The following ADCY5 variants were observed in gnomAD, a reference collection of about 807,000 sequenced individuals.
ADCY5 encodes the protein adenylate cyclase 5, also known as adenylate cyclase type 5.
A neutral mutation model predicts 119.7 loss-of-function variants in ADCY5; 30 were observed. The observed-to-expected ratio is 0.25, with a 90% CI of 0.19 to 0.34. The LOEUF is 0.34. Ranked by LOEUF, ADCY5 falls within the 10% of genes least tolerant of loss-of-function variation. The pLI, the probability that ADCY5 is intolerant of heterozygous loss-of-function variation, is 1.00. For synonymous variants in ADCY5, 753 were observed against 762.2 expected, an observed-to-expected ratio of 0.99 and a Z score of 0.20; for missense variants, 1,324 against 1,775.2, an observed-to-expected ratio of 0.75 and a Z score of 4.57.
intron 1 of ADCY5, among the ~76,000 whole-genome samples, chr3:123,431,499 C>T (rs533765608): frequency 4.3e-4 from 66 of 152,206 alleles, no homozygotes; most frequent in Non-Finnish European, 7.5e-4. Context: ...TAATATTTGA[C>T]GGATCAATAG....
chr3:123,296,812 T>C (rs1223021090), intron 16 of ADCY5, among the ~76,000 whole-genome samples: 1 of 152,206 alleles, frequency 6.6e-6, no homozygotes, highest in African/African-American at 2.4e-5. Context: ...CTGTTTTTGT[T>C]ACTAATAGAT....
At position 123,294,761 on chromosome 3, in the gene ADCY5, G is replaced by A. The variant is rs545556918; in HGVS notation, c.3063+1323C>T. Among the ~76,000 whole-genome samples the A allele has an allele frequency of 5.6e-4, 86 of 152,318 alleles. 1 individual carries two copies. In the South Asian group the frequency reaches 0.017, roughly 30 times the overall value. On this transcript the variant is annotated intron_variant, in intron 17 of 20. Transcript: ENST00000462833. Reference sequence around the variant, plus strand: ...GCCTGCCGCACCCCTGCTGATCGCCGATGGGGAGGGTGCGCAGGGATGACG... The same window carrying A: ...GCCTGCCGCACCCCTGCTGATCGCCAATGGGGAGGGTGCGCAGGGATGACG...
chr3:123,300,851 A>G (rs913844796), intron 14 of ADCY5, among the ~76,000 whole-genome samples: 3 of 152,196 alleles, frequency 2.0e-5, no homozygotes, highest in African/African-American at 7.2e-5. Context: ...GACGCTAGTT[A>G]TCATCTTTAT....
intron 11 of ADCY5, among the ~76,000 whole-genome samples, chr3:123,316,508 C>G (rs548976373): frequency 1.3e-4 from 20 of 152,306 alleles, no homozygotes; most frequent in African/African-American, 4.8e-4. Flanking sequence ...TGTCAACATT[C>G]GGGGAAACTG....
At chr3:123,351,368 C>A (rs1355774685) in intron 2 of ADCY5, among the ~76,000 whole-genome samples, 1 of 152,224 alleles carries the variant, frequency 6.6e-6, no homozygotes, top group Admixed American at 6.5e-5. Flanking sequence ...CAGCCTGGAG[C>A]CATGAGTGAC....
At chr3:123,288,841 C>A (rs145426443) in intron 19 of ADCY5, among the ~76,000 whole-genome samples, 13 of 152,168 alleles carry the variant, frequency 8.5e-5, no homozygotes, top group African/African-American at 2.7e-4. Flanking sequence ...GGACCTCTGC[C>A]GGACACCACA....
intron 14 of ADCY5, 51 bp downstream of exon 14, chr3:123,303,004 G>A (rs759128845): frequency 6.3e-7 from 1 of 1,592,098 alleles, no homozygotes; most frequent in Admixed American, 1.7e-5. Context: ...GACAGTGGGG[G>A]AGGGCAAGGG....
chr3:123,447,170 T>A (rs1214604284), intron 1 of ADCY5, among the ~76,000 whole-genome samples: 1 of 152,206 alleles, frequency 6.6e-6, no homozygotes, highest in African/African-American at 2.4e-5. Flanking sequence ...ATGGCTACAG[T>A]TCAGTACACG....
At chr3:123,338,499 T>C (rs1942125825) in intron 3 of ADCY5, among the ~76,000 whole-genome samples, 1 of 152,232 alleles carries the variant, frequency 6.6e-6, no homozygotes, top group Admixed American at 6.5e-5. Flanking sequence ...TTTCCTGATC[T>C]GCCCCGGAGT....
At chr3:123,417,933 C>T (rs995443942) in intron 1 of ADCY5, among the ~76,000 whole-genome samples, 3 of 152,192 alleles carry the variant, frequency 2.0e-5, no homozygotes, top group African/African-American at 4.8e-5. Flanking sequence ...GAGTGGGTGG[C>T]CTTCCAACAG....
intron 17 of ADCY5, among the ~76,000 whole-genome samples, chr3:123,295,690 C>G (rs547736243): frequency 6.6e-6 from 1 of 152,320 alleles, no homozygotes; most frequent in South Asian, 2.1e-4. Context: ...TCTTGCCACT[C>G]TTCCTTCCCC....
chr3:123,310,298 C>T (rs1446980563), intron 12 of ADCY5, among the ~76,000 whole-genome samples: 1 of 151,808 alleles, frequency 6.6e-6, no homozygotes. Flanking sequence ...TGGGCGGTGG[C>T]GGCAAAAGTA....
intron 1 of ADCY5, among the ~76,000 whole-genome samples, chr3:123,443,600 C>T (rs1945760233): frequency 6.6e-6 from 1 of 152,160 alleles, no homozygotes; most frequent in Admixed American, 6.5e-5. Context: ...ACCCACACAG[C>T]GCCTGTGCCT....
chr3:123,369,570 T>G (rs965785531), intron 1 of ADCY5, among the ~76,000 whole-genome samples: 4 of 152,194 alleles, frequency 2.6e-5, no homozygotes, highest in African/African-American at 9.7e-5. Flanking sequence ...GGAGAGTCCC[T>G]TATTTGCTGG....
chr3:123,388,790 A>ATGAGC (rs1484300142), intron 1 of ADCY5, among the ~76,000 whole-genome samples: 1 of 152,222 alleles, frequency 6.6e-6, no homozygotes, highest in Non-Finnish European at 1.5e-5. Flanking sequence ...GGCCCCCAAT[A>ATGAGC]TGAGCGGCAA....
intron 8 of ADCY5, among the ~76,000 whole-genome samples, chr3:123,324,345 C>T (rs1053497831): frequency 2.0e-5 from 3 of 151,408 alleles, no homozygotes; most frequent in African/African-American, 4.8e-5. Flanking sequence ...CTCCACAGAG[C>T]CCAAACTTGG....
intron 16 of ADCY5, chr3:123,296,995 C>T (rs1939556407): frequency 6.5e-7 from 1 of 1,536,004 alleles, no homozygotes; most frequent in Non-Finnish European, 8.7e-7. Flanking sequence ...TTCCTTGACT[C>T]CAGAGGGAAA....
intron 1 of ADCY5, among the ~76,000 whole-genome samples, chr3:123,439,358 A>G (rs1945684246): frequency 6.6e-6 from 1 of 151,724 alleles, no homozygotes; most frequent in Non-Finnish European, 1.5e-5. Context: ...CACCGCACCC[A>G]GCCCTAAAGT....
At position 123,300,191 on chromosome 3, in the gene ADCY5, G is replaced by A. The variant is rs147561426; in HGVS notation, c.2829C>T (p.Tyr943=). 60 of 1,613,846 alleles carry A rather than the reference G, an allele frequency of 3.7e-5. No homozygotes were observed. The highest frequency in any genetic ancestry group is 5.3e-5 in the African/African-American group (4 of 75,050). ...LVLMLAIELI[Y]VLIVEVPGVT... ...CACCTGGCACCTCCACGATGAGCACGTAGATGAGCTCGATGGCCAGCATGA... is the reference window on the plus strand; with the variant it reads ...CACCTGGCACCTCCACGATGAGCACATAGATGAGCTCGATGGCCAGCATGA... Residue 943 remains tyrosine (Y), a synonymous_variant, in exon 15 of 21, where the codon TAC becomes TAT. Transcript: ENST00000462833.
Sources: gnomAD v4.1 joint callset for allele counts (sites outside exome capture counted in the v4.1 genomes callset) on GRCh38, gnomAD v4.1.1 for gene constraint, MANE v1.5 for transcripts, NCBI Gene and HGNC (gene_info 2026-07-23, HGNC 2026-07-21) for gene names.